XRCC4: variants seen among roughly 807,000 people sequenced by gnomAD.
XRCC4 encodes X-ray repair cross complementing 4, also known as DNA repair protein XRCC4.
In XRCC4, 28 loss-of-function variants were observed where a neutral mutation model predicts 39.1. That is an observed-to-expected ratio of 0.72 (90% confidence interval 0.53 to 0.98). The LOEUF is 0.98. Among genes scored for constraint, XRCC4 ranks in the 50% least tolerant of loss-of-function variants. XRCC4 has a pLI of 0.00. For synonymous variants in XRCC4, 123 were observed against 126.4 expected (o/e 0.97, Z 0.18); for missense variants, 350 against 376.4 (o/e 0.93, Z 0.58).
intron 3 of XRCC4, among the ~76,000 whole-genome samples, chr5:83,113,986 T>C (rs1355968604): frequency 2.0e-5 from 3 of 152,216 alleles, no homozygotes; most frequent in Admixed American, 6.5e-5. Context: ...AATTCTTGGC[T>C]TCTGTGCACT....
intron 3 of XRCC4, among the ~76,000 whole-genome samples, chr5:83,120,119 A>G (rs976717388): frequency 2.0e-5 from 3 of 152,180 alleles, no homozygotes; most frequent in African/African-American, 7.2e-5. Flanking sequence ...AACAATATTA[A>G]TATTTGCTTA....
At chr5:83,229,345 A>G (rs938547929) in intron 6 of XRCC4, among the ~76,000 whole-genome samples, 10 of 152,008 alleles carry the variant, frequency 6.6e-5, no homozygotes, top group African/African-American at 2.4e-4. Flanking sequence ...GATGCCAGTC[A>G]GCCTGAACTC....
At chr5:83,215,931 C>T (rs1305675241) in intron 6 of XRCC4, among the ~76,000 whole-genome samples, 1 of 151,874 alleles carries the variant, frequency 6.6e-6, no homozygotes, top group Non-Finnish European at 1.5e-5. Context: ...ATATCAAAAG[C>T]ACAATACATA....
intron 1 of XRCC4, among the ~76,000 whole-genome samples, chr5:83,104,133 C>T (rs1746083013): frequency 6.6e-6 from 1 of 152,156 alleles, no homozygotes; most frequent in Admixed American, 6.6e-5. Context: ...ATCTCTATTA[C>T]AGAGTGCCCC....
At chr5:83,112,940 GC>G (rs1746517070) in intron 3 of XRCC4, among the ~76,000 whole-genome samples, 1 of 152,040 alleles carries the variant, frequency 6.6e-6, no homozygotes, top group Non-Finnish European at 1.5e-5. Flanking sequence ...ATTCCGCCCA[GC>G]CCCTCCCAAA....
chr5:83,088,320 A>C (rs1025778882), intron 1 of XRCC4, among the ~76,000 whole-genome samples: 3 of 152,176 alleles, frequency 2.0e-5, no homozygotes, highest in Non-Finnish European at 4.4e-5. Flanking sequence ...TGTTCTCCTA[A>C]GTGGATGAAA....
intron 3 of XRCC4, among the ~76,000 whole-genome samples, chr5:83,170,391 G>GA (rs1270732476): frequency 1.9e-4 from 28 of 151,068 alleles, no homozygotes; most frequent in Non-Finnish European, 2.5e-4. Context: ...TGTTAAAAAG[G>GA]AAAAAAAAAT....
chr5:83,189,012 T>C (rs2112676641), intron 3 of XRCC4, among the ~76,000 whole-genome samples: 1 of 152,274 alleles, frequency 6.6e-6, no homozygotes, highest in East Asian at 1.9e-4. Context: ...AGCAGGCAAA[T>C]AATAGGCAAC....
At chr5:83,135,167 G>C (rs1747831878) in intron 3 of XRCC4, among the ~76,000 whole-genome samples, 1 of 152,160 alleles carries the variant, frequency 6.6e-6, no homozygotes, top group African/African-American at 2.4e-5. Flanking sequence ...GACCCCTTGA[G>C]CTTCCAGGGT....
intron 1 of XRCC4, among the ~76,000 whole-genome samples, chr5:83,087,478 C>T (rs1287538564): frequency 2.6e-5 from 4 of 151,832 alleles, no homozygotes; most frequent in Non-Finnish European, 5.9e-5. Flanking sequence ...GCATGGCCAA[C>T]ATAGTGAAAC....
At chr5:83,254,611 A>G (rs548990880) in intron 6 of XRCC4, among the ~76,000 whole-genome samples, 31 of 152,220 alleles carry the variant, frequency 2.0e-4, no homozygotes, top group Middle Eastern at 3.4e-3. Context: ...GTGACCTCCT[A>G]TTGATATAGT....
chr5:83,219,903 A>G (rs1480596063), intron 6 of XRCC4, among the ~76,000 whole-genome samples: 3 of 152,110 alleles, frequency 2.0e-5, no homozygotes, highest in Non-Finnish European at 4.4e-5. Flanking sequence ...TATATGAAAT[A>G]TATATATTCA....
chr5:83,258,430 TTTAA>T (rs1290345112), intron 6 of XRCC4, 96 bp from the exon 7 acceptor site: 2 of 1,408,666 alleles, frequency 1.4e-6, no homozygotes, highest in African/African-American at 2.9e-5. Flanking sequence ...TTTGCTATAT[TTTAA>T]TTGTCACCTT....
intron 7 of XRCC4, among the ~76,000 whole-genome samples, chr5:83,350,266 G>A (rs988078875): frequency 1.3e-5 from 2 of 152,078 alleles, no homozygotes; most frequent in African/African-American, 4.8e-5. Flanking sequence ...TGGGTTTTTT[G>A]GGAGGTATAT....
intron 7 of XRCC4, among the ~76,000 whole-genome samples, chr5:83,333,555 T>G (rs1389407585): frequency 6.6e-6 from 1 of 152,124 alleles, no homozygotes; most frequent in Non-Finnish European, 1.5e-5. Context: ...TCATGTGACC[T>G]CCTCTAAATT....
chr5:83,329,925 T>C (rs930727518), intron 7 of XRCC4, among the ~76,000 whole-genome samples: 1 of 152,122 alleles, frequency 6.6e-6, no homozygotes, highest in South Asian at 2.1e-4. Flanking sequence ...GAAAATTAGA[T>C]GGCAGCAATG....
chr5:83,277,464 A>G (rs1446140295), intron 7 of XRCC4, among the ~76,000 whole-genome samples: 2 of 152,238 alleles, frequency 1.3e-5, no homozygotes, highest in African/African-American at 4.8e-5. Context: ...CGTGATGGAC[A>G]TGCAACAGAA....
intron 6 of XRCC4, among the ~76,000 whole-genome samples, chr5:83,217,220 G>C (rs1283296629): frequency 6.6e-6 from 1 of 151,978 alleles, no homozygotes; most frequent in Non-Finnish European, 1.5e-5. Flanking sequence ...AGCCAGGCAT[G>C]GTGGCGTATG....
At chr5:83,373,841 T>G in the XRCC4 span, among the ~76,000 whole-genome samples, 6 of 152,220 alleles carry the variant, frequency 3.9e-5, no homozygotes, top group Non-Finnish European at 8.8e-5. Flanking sequence ...AATAGCTACC[T>G]TCTATTTAAG....
Sources: allele counts gnomAD v4.1 joint callset (sites outside exome capture counted in the v4.1 genomes callset), GRCh38; gene constraint gnomAD v4.1.1; transcripts MANE v1.5; gene names NCBI Gene and HGNC (gene_info 2026-07-23, HGNC 2026-07-21).